The following EDARADD variants were observed in gnomAD, a reference collection of about 807,000 sequenced individuals.
EDARADD encodes the protein EDAR associated via death domain, also known as ectodysplasin-A receptor-associated adapter protein.
A neutral mutation model predicts 25.6 loss-of-function variants in EDARADD; 20 were observed. The observed-to-expected ratio is 0.78, with a 90% CI of 0.55 to 1.14. The LOEUF is 1.14. Ranked by LOEUF, EDARADD falls within the 50% of genes most tolerant of loss-of-function variation. The pLI, the probability that EDARADD is intolerant of heterozygous loss-of-function variation, is 0.00. For synonymous variants in EDARADD, 86 were observed against 94.4 expected (o/e 0.91, Z 0.52); for missense variants, 225 against 270.1 (o/e 0.83, Z 1.17).
Position 236,484,472 on chromosome 1 carries a change from T to G in EDARADD, c.*1823T>G. On this transcript the variant is annotated 3_prime_UTR_variant, in exon 6 of 6. Coordinates refer to ENST00000334232, the MANE Select transcript of EDARADD (RefSeq NM_145861.4). This position sits in a 1 kb window ranked among gnomAD's most constrained non-coding sequence, Gnocchi z 4.1. ...TCAGAAACCCCCCAGCCAAGTAAGCTGTGGGCAGGCAAGCCCTTCAGTCAC... is the reference window on the plus strand; with the variant it reads ...TCAGAAACCCCCCAGCCAAGTAAGCGGTGGGCAGGCAAGCCCTTCAGTCAC... The G allele has an allele frequency of 3.7e-6, 6 of 1,607,410 alleles. No homozygotes were observed. The highest frequency in any genetic ancestry group is 5.1e-6 in the Non-Finnish European group (6 of 1,176,894).
In EDARADD at chr1:236,395,691, G is replaced by A. The variant is rs1183064650; in HGVS notation, c.61+1186G>A. ...GGGACACAGCGCCGCGCCCGCTCCT[G>A]GAGCGAGCACCGCGGGGCGGGAGCT... On this transcript the variant is annotated intron_variant, in intron 1 of 5. Transcript: ENST00000334232. The surrounding 1 kb of genome is among the most constrained non-coding windows in gnomAD (Gnocchi z 6.9). The A allele has an allele frequency of 1.3e-6, 2 of 1,550,608 alleles. No individual in the cohort carries two copies. Among genetic ancestry groups the A allele is most frequent in the Non-Finnish European group, 1.7e-6 (2 of 1,152,688 alleles).
chr1:236,424,402 A>C (rs916278933), intron 3 of EDARADD, among the ~76,000 whole-genome samples: 1 of 151,142 alleles, frequency 6.6e-6, no homozygotes, highest in Non-Finnish European at 1.5e-5. Context: ...CCCTCAAGCA[A>C]CCCTCCCATC....
Sources: allele counts gnomAD v4.1 joint callset (sites outside exome capture counted in the v4.1 genomes callset), GRCh38; gene constraint gnomAD v4.1.1; non-coding constraint Gnocchi (gnomAD v3.1); transcripts MANE v1.5; gene names NCBI Gene and HGNC (gene_info 2026-07-23, HGNC 2026-07-21).